Variants in SLC36A1 observed in about 807,000 individuals in gnomAD.
The protein encoded by SLC36A1 is solute carrier family 36 member 1.
A neutral mutation model predicts 47.5 loss-of-function variants in SLC36A1; 30 were observed. The observed-to-expected ratio is 0.63, with a 90% CI of 0.47 to 0.86. SLC36A1 has a LOEUF of 0.86. Among genes scored for constraint, SLC36A1 ranks in the 40% least tolerant of loss-of-function variants. The pLI is 0.00. For synonymous variants in SLC36A1, 255 were observed against 249.7 expected (o/e 1.02, Z -0.20); for missense variants, 517 against 606.0 (o/e 0.85, Z 1.54).
chr5:151,408,259 A>G, the SLC36A1 span, among the ~76,000 whole-genome samples: 2,259 of 152,026 alleles, frequency 0.015, 72 homozygotes, highest in African/African-American at 0.052. Flanking sequence ...TGCGATCTTG[A>G]CTCACTGCAA....
At chr5:151,400,355 G>T in the SLC36A1 span, among the ~76,000 whole-genome samples, 1 of 152,126 alleles carries the variant, frequency 6.6e-6, no homozygotes, top group East Asian at 1.9e-4. Flanking sequence ...TTTTATGGCC[G>T]CATAGTATTC....
the SLC36A1 span, among the ~76,000 whole-genome samples, chr5:151,427,734 G>T: frequency 6.6e-6 from 1 of 152,158 alleles, no homozygotes; most frequent in Non-Finnish European, 1.5e-5. Context: ...CCCCTGTGCA[G>T]CAACTTTCAC....
the SLC36A1 span, chr5:151,546,413 G>T: frequency 1.8e-6 from 2 of 1,137,470 alleles, no homozygotes; most frequent in Non-Finnish European, 2.5e-6. Context: ...ATCAGTAAAG[G>T]GTCTATCACA....
chr5:151,499,758 G>A, the SLC36A1 span, among the ~76,000 whole-genome samples: 3 of 151,118 alleles, frequency 2.0e-5, no homozygotes, highest in Admixed American at 6.6e-5. Flanking sequence ...TCCCTCATCC[G>A]CCAGCCCCTG....
At chr5:151,466,092 T>G (rs1756328747) in intron 5 of SLC36A1, among the ~76,000 whole-genome samples, 1 of 152,222 alleles carries the variant, frequency 6.6e-6, no homozygotes, top group African/African-American at 2.4e-5. Context: ...TTTCTGTAAC[T>G]GGGAGAAGCT....
chr5:151,469,196 G>A (rs185365228), intron 7 of SLC36A1: 5 of 687,724 alleles, frequency 7.3e-6, no homozygotes, highest in Middle Eastern at 2.3e-4. Flanking sequence ...TCCCCACCCC[G>A]AGTCTCCTCT....
chr5:151,353,137 T>C, the SLC36A1 span, among the ~76,000 whole-genome samples: 1 of 152,242 alleles, frequency 6.6e-6, no homozygotes, highest in Admixed American at 6.5e-5. Context: ...AAAACATATG[T>C]GTTGAAAACC....
intron 9 of SLC36A1, among the ~76,000 whole-genome samples, 156 bp from the exon 10 acceptor site, chr5:151,479,164 G>A (rs165357): frequency 0.15 from 22,371 of 152,266 alleles, 2,008 homozygotes; most frequent in Non-Finnish European, 0.21. Context: ...TATCTGTGAG[G>A]TAAATTTCTA....
chr5:151,383,323 T>C, the SLC36A1 span, among the ~76,000 whole-genome samples: 3 of 152,146 alleles, frequency 2.0e-5, no homozygotes, highest in African/African-American at 7.2e-5. Context: ...GAGTATTTCA[T>C]TGTGAAACTG....
chr5:151,407,420 A>G, the SLC36A1 span, among the ~76,000 whole-genome samples: 2,158 of 151,864 alleles, frequency 0.014, 69 homozygotes, highest in African/African-American at 0.05. Flanking sequence ...ACTGATTGGT[A>G]CATTTACAAT....
At chr5:151,427,014 A>G in the SLC36A1 span, among the ~76,000 whole-genome samples, 2,651 of 152,340 alleles carry the variant, frequency 0.017, 75 homozygotes, top group African/African-American at 0.06. Context: ...TTGGGGCTAC[A>G]GGTACAGATG....
the SLC36A1 span, chr5:151,553,210 C>G: frequency 6.2e-7 from 1 of 1,614,250 alleles, no homozygotes; most frequent in African/African-American, 1.3e-5. Flanking sequence ...CCGGGTCTGC[C>G]CTCTACGCTG....
the SLC36A1 span, among the ~76,000 whole-genome samples, chr5:151,502,306 T>C: frequency 1.5e-5 from 2 of 134,968 alleles, no homozygotes; most frequent in Admixed American, 1.4e-4. Context: ...AGTGAGACTC[T>C]GTCAAAAAAA....
At chr5:151,468,266 A>AAAAAATATATATATATAT (rs55642458) in intron 7 of SLC36A1, among the ~76,000 whole-genome samples, 1 of 63,830 alleles carries the variant, frequency 1.6e-5, no homozygotes, top group African/African-American at 8.8e-5. Context: ...AAAAAAAAAA[A>AAAAAATATATATATATAT]ATATATATAT....
intron 1 of SLC36A1, among the ~76,000 whole-genome samples, chr5:151,437,496 A>G (rs1759838975): frequency 6.6e-6 from 1 of 152,138 alleles, no homozygotes; most frequent in Non-Finnish European, 1.5e-5. Flanking sequence ...GGCTAAGATC[A>G]AGTGTAGTAA....
chr5:151,537,260 G>T, the SLC36A1 span, among the ~76,000 whole-genome samples: 1 of 150,264 alleles, frequency 6.7e-6, no homozygotes, highest in African/African-American at 2.4e-5. Context: ...AGAATAATAA[G>T]AAGACGATGG....
intron 7 of SLC36A1, among the ~76,000 whole-genome samples, chr5:151,473,247 CT>C (rs1266190230): frequency 6.6e-6 from 1 of 152,032 alleles, no homozygotes; most frequent in Non-Finnish European, 1.5e-5. Context: ...TGTGGTTTAG[CT>C]GGTATGTTGT....
At chr5:151,358,772 G>C in the SLC36A1 span, among the ~76,000 whole-genome samples, 1 of 151,728 alleles carries the variant, frequency 6.6e-6, no homozygotes, top group African/African-American at 2.4e-5. Context: ...AGGAGATCGA[G>C]ACCATCCTGG....
At chr5:151,540,331 T>G in the SLC36A1 span, among the ~76,000 whole-genome samples, 2 of 151,126 alleles carry the variant, frequency 1.3e-5, no homozygotes, top group African/African-American at 4.9e-5. Context: ...CAGAGATGGG[T>G]CCCTCGGTCC....
Sources: gnomAD v4.1 joint callset for allele counts (sites outside exome capture counted in the v4.1 genomes callset) on GRCh38, gnomAD v4.1.1 for gene constraint, MANE v1.5 for transcripts, NCBI Gene and HGNC (gene_info 2026-07-23, HGNC 2026-07-21) for gene names.